ARL17B: variants seen among roughly 807,000 people sequenced by gnomAD.
The protein encoded by ARL17B is ARF like GTPase 17B, also known as ADP-ribosylation factor-like protein 17.
chr17:46,283,993 C>T (rs2049840850), intron 4 of ARL17B, among the ~76,000 whole-genome samples: 1 of 151,570 alleles, frequency 6.6e-6, no homozygotes, highest in Non-Finnish European at 1.5e-5. Flanking sequence ...GTCCCACCTC[C>T]AGCCCTAAGG....
intron 4 of ARL17B, among the ~76,000 whole-genome samples, chr17:46,282,411 T>C (rs1567852502): frequency 8.1e-6 from 1 of 123,608 alleles, no homozygotes; most frequent in East Asian, 2.1e-4. Flanking sequence ...CCTCAGTTTT[T>C]TGTTTGTTTT....
intron 4 of ARL17B, among the ~76,000 whole-genome samples, chr17:46,287,278 G>A (rs1393776651): frequency 6.6e-6 from 1 of 152,232 alleles, no homozygotes; most frequent in Non-Finnish European, 1.5e-5. Flanking sequence ...CTGAATGAAT[G>A]TGTGCAAAAC....
chr17:46,274,883 T>G (rs1255490339), exon 5 of ARL17B: 1 of 152,652 alleles, frequency 6.6e-6, no homozygotes, highest in Non-Finnish European at 1.5e-5. Context: ...TCTTTTTTCT[T>G]TTTCTTTTCT....
intron 4 of ARL17B, among the ~76,000 whole-genome samples, chr17:46,279,940 T>C (rs1392554940): frequency 6.6e-6 from 1 of 152,238 alleles, no homozygotes; most frequent in Non-Finnish European, 1.5e-5. Flanking sequence ...TGTCTTGCCC[T>C]ACTGACCCTC....
chr17:46,275,473 G>T, intron 4 of ARL17B: 1 of 732,298 alleles, frequency 1.4e-6, no homozygotes, highest in Non-Finnish European at 2.3e-6. Context: ...TGAAAATGAT[G>T]CTTTATGCGG....
At chr17:46,282,431 A>G (rs1287825437) in intron 4 of ARL17B, among the ~76,000 whole-genome samples, 1 of 147,096 alleles carries the variant, frequency 6.8e-6, no homozygotes, top group Non-Finnish European at 1.5e-5. Flanking sequence ...TTTTTTTTTA[A>G]ACAGGCAAGT....
intron 4 of ARL17B, among the ~76,000 whole-genome samples, chr17:46,290,462 AC>A (rs1464494944): frequency 6.6e-6 from 1 of 152,146 alleles, no homozygotes; most frequent in Non-Finnish European, 1.5e-5. Context: ...CTCTGAAGCT[AC>A]AGTTTTTTGT....
intron 4 of ARL17B, among the ~76,000 whole-genome samples, chr17:46,281,970 G>A (rs1343339861): frequency 2.6e-5 from 4 of 151,926 alleles, no homozygotes; most frequent in Non-Finnish European, 5.9e-5. Context: ...GTAGTTTCTT[G>A]TTTTTGGTCT....
rs959444766 is a variant in ARL17B at position 46,279,121 on chromosome 17, C to T, written c.*22-3703G>A. 6.6e-5 allele frequency among the ~76,000 whole-genome samples: 10 copies of T among 151,950 alleles called. No individual in the cohort carries two copies. In the South Asian group the frequency reaches 8.3e-4, roughly 13 times the overall value. On this transcript the variant is annotated intron_variant, in intron 4 of 4. Transcript: ENST00000570618. ...CCCAATGTCATTATTTACATTATTA[C>T]GACAATGTAAATATTTTTCTCTATA... is the stretch of plus-strand genomic sequence containing the variant.
At chr17:46,289,731 C>G (rs1042599296) in intron 4 of ARL17B, among the ~76,000 whole-genome samples, 3 of 152,196 alleles carry the variant, frequency 2.0e-5, no homozygotes, top group African/African-American at 7.2e-5. Context: ...CTTCCTAAAT[C>G]TTATAGTCTC....
chr17:46,279,927 C>T (rs1459762770), intron 4 of ARL17B, among the ~76,000 whole-genome samples: 1 of 152,192 alleles, frequency 6.6e-6, no homozygotes, highest in Non-Finnish European at 1.5e-5. Context: ...ATGCATGAGT[C>T]ATTGTCTTGC....
intron 4 of ARL17B, among the ~76,000 whole-genome samples, chr17:46,279,500 CTTTTTT>C (rs369361891): frequency 1.9e-4 from 23 of 122,428 alleles, no homozygotes; most frequent in Admixed American, 2.6e-4. Flanking sequence ...TTCTTTCTTT[CTTTTTT>C]TTTTTTTTTT....
chr17:46,278,503 C>A (rs565808602), intron 4 of ARL17B, among the ~76,000 whole-genome samples: 2 of 151,450 alleles, frequency 1.3e-5, no homozygotes, highest in African/African-American at 4.9e-5. Context: ...CTCCTGGGTT[C>A]AAGCGATTTT....
Position 46,325,548 on chromosome 17 carries a change from A to G in ARL17B, c.260-25883T>C, listed in dbSNP as rs1414499395. 3.7e-5 allele frequency among the ~76,000 whole-genome samples: 3 copies of G among 82,038 alleles called. 1 individual carries two copies. The highest frequency in any genetic ancestry group is 9.3e-5 in the African/African-American group (3 of 32,166). The allele number at this position is 82,038 out of a possible 152,430, so 53.8% of individuals were successfully genotyped here. ...ACAGTTCTAGATTGAAGGAGACTAAAGAATCATGTACTAAGTGTAATGTCT... is the reference window on the plus strand; with the variant it reads ...ACAGTTCTAGATTGAAGGAGACTAAGGAATCATGTACTAAGTGTAATGTCT... On this transcript the variant is annotated intron_variant, in intron 3 of 4. Coordinates refer to the ARL17B transcript ENST00000434041.
At chr17:46,280,005 T>G (rs1168979760) in intron 4 of ARL17B, among the ~76,000 whole-genome samples, 1 of 152,258 alleles carries the variant, frequency 6.6e-6, no homozygotes, top group Non-Finnish European at 1.5e-5. Flanking sequence ...CACAGCCTGC[T>G]GTACAAATGT....
At chr17:46,340,709 A>G (rs1234656239) in intron 3 of ARL17B, among the ~76,000 whole-genome samples, 1 of 71,986 alleles carries the variant, frequency 1.4e-5, no homozygotes, top group East Asian at 2.5e-4. Context: ...TGCCCGGCCA[A>G]TTTTTTTTTT....
At chr17:46,291,969 C>CAAAAAAAAAA (rs59554870) in intron 4 of ARL17B, among the ~76,000 whole-genome samples, 803 of 57,918 alleles carry the variant, frequency 0.014, 1 homozygote, top group Non-Finnish European at 0.019. Flanking sequence ...TCTCAAAAAG[C>CAAAAAAAAAA]AAAAAAAAAA....
At chr17:46,319,139 G>C (rs2051254183) in intron 3 of ARL17B, among the ~76,000 whole-genome samples, 2 of 18,882 alleles carry the variant, frequency 1.1e-4, no homozygotes, top group African/African-American at 2.6e-4. Flanking sequence ...AATTTTTTTT[G>C]AATAAATGCT....
downstream of ARL17B, chr17:46,332,567 C>G (rs2052036076): frequency 7.2e-7 from 1 of 1,393,500 alleles, no homozygotes; most frequent in African/African-American, 1.6e-5. Context: ...AAAAGAAGTT[C>G]CAGGATATGG....
Sources: gnomAD v4.1 joint callset for allele counts (sites outside exome capture counted in the v4.1 genomes callset) on GRCh38, gnomAD v4.1.1 for gene constraint, MANE v1.5 for transcripts, NCBI Gene and HGNC (gene_info 2026-07-23, HGNC 2026-07-21) for gene names.